Variants in FMNL2 observed in about 807,000 individuals in gnomAD.
The protein encoded by FMNL2 is formin like 2, also known as formin-like protein 2.
A neutral mutation model predicts 130.2 loss-of-function variants in FMNL2; 51 were observed. That is an observed-to-expected ratio of 0.39 (90% confidence interval 0.31 to 0.49). The LOEUF is 0.49. FMNL2 is among the 20% of genes least tolerant of loss of function. The pLI is 0.85. For missense variants in FMNL2, 977 were observed against 1,316.2 expected, an observed-to-expected ratio of 0.74 and a Z score of 3.99; for synonymous variants, 465 against 467.1, an observed-to-expected ratio of 1.00 and a Z score of 0.06.
intron 6 of FMNL2, among the ~76,000 whole-genome samples, chr2:152,574,092 G>A (rs12693405): frequency 0.75 from 114,522 of 152,134 alleles, 43,302 homozygotes; most frequent in East Asian, 0.81. Context: ...ATCAAGAACT[G>A]GATCAGTAAA....
chr2:152,362,186 TTAAC>T (rs141354724), intron 1 of FMNL2, among the ~76,000 whole-genome samples: 1,592 of 152,290 alleles, frequency 0.01, 33 homozygotes, highest in African/African-American at 0.035. Context: ...GCATTTCAGT[TTAAC>T]TAGTTCCTTA....
intron 1 of FMNL2, among the ~76,000 whole-genome samples, chr2:152,393,586 T>A (rs921701979): frequency 1.3e-5 from 2 of 152,240 alleles, no homozygotes; most frequent in Non-Finnish European, 2.9e-5. Context: ...AAATCTTTCC[T>A]AATCTGATAG....
chr2:152,552,153 A>G (rs1694970721), intron 4 of FMNL2, among the ~76,000 whole-genome samples: 2 of 152,226 alleles, frequency 1.3e-5, no homozygotes, highest in African/African-American at 4.8e-5. Flanking sequence ...CATCACAGGA[A>G]TATTATAAGG....
intron 1 of FMNL2, among the ~76,000 whole-genome samples, chr2:152,399,091 G>T (rs575563719): frequency 6.6e-6 from 1 of 152,252 alleles, no homozygotes; most frequent in Non-Finnish European, 1.5e-5. Flanking sequence ...AATACTGGAT[G>T]TGTGATAAAC....
intron 2 of FMNL2, among the ~76,000 whole-genome samples, chr2:152,541,378 C>T (rs189071471): frequency 1.4e-4 from 22 of 152,190 alleles, no homozygotes; most frequent in Admixed American, 9.8e-4. Flanking sequence ...GGCTTGTCCT[C>T]ATTTCTTGAT....
intron 1 of FMNL2, among the ~76,000 whole-genome samples, chr2:152,512,945 CTGTATG>C (rs1692566641): frequency 6.6e-6 from 1 of 152,192 alleles, no homozygotes; most frequent in South Asian, 2.1e-4. Flanking sequence ...TCTGAAACTT[CTGTATG>C]TGTATTCACA....
Position 152,628,311 on chromosome 2 carries a change from G to T in FMNL2, c.2178G>T (p.Lys726Asn), listed in dbSNP as rs371959631. The T allele has an allele frequency of 1.2e-6, 2 of 1,613,980 alleles. No homozygotes were observed. Among genetic ancestry groups the T allele is most frequent in the Non-Finnish European group, 1.7e-6 (2 of 1,179,836 alleles). Residue 726 changes from lysine to asparagine, a missense_variant, in exon 18 of 26, where the codon AAG becomes AAT. Transcript: ENST00000288670. ...ICKAIHVFDL[K>N]TLPVDFVECL... ...CATCTGTCTTTAGATTTGACTTGAAGACACTGCCTGTGGACTTTGTGGAAT... is the reference window on the plus strand; with the variant it reads ...CATCTGTCTTTAGATTTGACTTGAATACACTGCCTGTGGACTTTGTGGAAT...
At chr2:152,523,433 T>C (rs1693214559) in intron 2 of FMNL2, among the ~76,000 whole-genome samples, 1 of 152,226 alleles carries the variant, frequency 6.6e-6, no homozygotes, top group South Asian at 2.1e-4. Flanking sequence ...CATCTCATTA[T>C]TCCTGCCTGC....
At chr2:152,556,681 T>G (rs572148900) in intron 4 of FMNL2, among the ~76,000 whole-genome samples, 1 of 152,268 alleles carries the variant, frequency 6.6e-6, no homozygotes, top group African/African-American at 2.4e-5. Context: ...ACTTTCCAAG[T>G]GAGATGGAGG....
intron 15 of FMNL2, among the ~76,000 whole-genome samples, chr2:152,622,818 T>G (rs1225871353): frequency 6.6e-6 from 1 of 151,394 alleles, no homozygotes; most frequent in African/African-American, 2.5e-5. Flanking sequence ...AAAGGTTTTT[T>G]TTTTTTTTTC....
At chr2:152,491,835 C>A (rs1414900582) in intron 1 of FMNL2, among the ~76,000 whole-genome samples, 1 of 152,042 alleles carries the variant, frequency 6.6e-6, no homozygotes, top group East Asian at 1.9e-4. Context: ...CCTGGAATCC[C>A]AGCTACTCGG....
chr2:152,345,548 T>C (rs1384019302), intron 1 of FMNL2, among the ~76,000 whole-genome samples: 6 of 152,248 alleles, frequency 3.9e-5, no homozygotes, highest in Non-Finnish European at 5.9e-5. Flanking sequence ...TGAATAGCTT[T>C]GTTAGGTTCA....
chr2:152,610,994 G>A (rs1484089811), intron 10 of FMNL2, among the ~76,000 whole-genome samples: 1 of 152,126 alleles, frequency 6.6e-6, no homozygotes, highest in Non-Finnish European at 1.5e-5. Context: ...GGTGCGAAGT[G>A]GTGTCTTATT....
chr2:152,486,110 C>T (rs757257976), intron 1 of FMNL2, among the ~76,000 whole-genome samples: 4 of 152,182 alleles, frequency 2.6e-5, no homozygotes, highest in Non-Finnish European at 5.9e-5. Flanking sequence ...TTACTGGGAA[C>T]TGAGCTCAAG....
intron 1 of FMNL2, among the ~76,000 whole-genome samples, chr2:152,461,502 C>T (rs1326142802): frequency 6.6e-6 from 1 of 152,030 alleles, no homozygotes; most frequent in Non-Finnish European, 1.5e-5. Context: ...GATTCACATA[C>T]CACATTTGTT....
intron 1 of FMNL2, among the ~76,000 whole-genome samples, chr2:152,507,893 A>G (rs1034579287): frequency 2.0e-5 from 3 of 152,142 alleles, no homozygotes; most frequent in Admixed American, 6.6e-5. Flanking sequence ...GAGTAATTCC[A>G]AAGGTTGTAA....
At chr2:152,504,018 C>A (rs542896308) in intron 1 of FMNL2, among the ~76,000 whole-genome samples, 1 of 152,268 alleles carries the variant, frequency 6.6e-6, no homozygotes, top group East Asian at 1.9e-4. Flanking sequence ...GACAAAATTC[C>A]GTTCTCTACT....
intron 1 of FMNL2, chr2:152,389,791 A>AAAAC (rs1684998064): frequency 4.1e-6 from 6 of 1,471,310 alleles, no homozygotes; most frequent in South Asian, 1.2e-5. Context: ...CCTTCGACGC[A>AAAAC]AAACAGACTT....
At chr2:152,589,983 ATG>A (rs1553482626) in intron 9 of FMNL2, among the ~76,000 whole-genome samples, 11 of 38,330 alleles carry the variant, frequency 2.9e-4, no homozygotes, top group East Asian at 2.2e-3. Flanking sequence ...ATATATATAT[ATG>A]TATATGTATA....
Sources: gnomAD v4.1 joint callset for allele counts (sites outside exome capture counted in the v4.1 genomes callset) on GRCh38, gnomAD v4.1.1 for gene constraint, MANE v1.5 for transcripts, NCBI Gene and HGNC (gene_info 2026-07-23, HGNC 2026-07-21) for gene names.